Variants in SMARCB1 observed in about 807,000 individuals in gnomAD.
SMARCB1 encodes SWI/SNF related BAF chromatin remodeling complex subunit B1, also known as SWI/SNF-related matrix-associated actin-dependent regulator of chromatin subfamily B member 1.
Under a neutral mutation model 49.0 loss-of-function variants are expected in SMARCB1, and 5 were observed. The ratio of observed to expected loss-of-function variants is 0.10; its 90% CI spans 0.05 to 0.21. The LOEUF (loss-of-function observed/expected upper bound fraction) is 0.21. Among genes scored for constraint, SMARCB1 ranks in the 10% least tolerant of loss-of-function variants. The pLI is 1.00. For missense variants in SMARCB1, 226 were observed against 509.2 expected, an observed-to-expected ratio of 0.44 and a Z score of 5.35; for synonymous variants, 201 against 200.1, an observed-to-expected ratio of 1.00 and a Z score of -0.04.
chr22:23,818,137 G>GGGGGGT (rs1311439174), intron 6 of SMARCB1: 3 of 132,924 alleles, frequency 2.3e-5, no homozygotes, highest in Non-Finnish European at 3.2e-5. Flanking sequence ...AAATACTTTG[G>GGGGGGT]GTGTGTGTGT....
intron 3 of SMARCB1, among the ~76,000 whole-genome samples, chr22:23,799,307 T>C (rs1054253912): frequency 6.6e-5 from 10 of 151,198 alleles, no homozygotes; most frequent in African/African-American, 1.9e-4. Flanking sequence ...CGAGATAGGA[T>C]GTTGCTCTCT....
chr22:23,825,555 C>T (rs1429117626), intron 7 of SMARCB1, 140 bp downstream of exon 7: 1 of 721,474 alleles, frequency 1.4e-6, no homozygotes, highest in Non-Finnish European at 2.3e-6. Flanking sequence ...TGTGTTTGCT[C>T]CGTCCTCCTC....
intron 7 of SMARCB1, among the ~76,000 whole-genome samples, chr22:23,830,308 G>C (rs1001528110): frequency 6.6e-6 from 1 of 152,176 alleles, no homozygotes; most frequent in Non-Finnish European, 1.5e-5. Flanking sequence ...GGATCCTGCT[G>C]GCATTTGCTG....
chr22:23,806,285 G>A (rs889035532), intron 5 of SMARCB1, among the ~76,000 whole-genome samples: 1 of 152,194 alleles, frequency 6.6e-6, no homozygotes, highest in African/African-American at 2.4e-5. Context: ...GACCAGGATC[G>A]TCCATGAACT....
At chr22:23,832,686 A>G (rs546495841) in intron 7 of SMARCB1, among the ~76,000 whole-genome samples, 11 of 152,364 alleles carry the variant, frequency 7.2e-5, no homozygotes, top group African/African-American at 2.4e-4. Context: ...GGACCACTGC[A>G]TGTGGGAGGC....
At chr22:23,830,092 A>G (rs1052194973) in intron 7 of SMARCB1, among the ~76,000 whole-genome samples, 1 of 152,202 alleles carries the variant, frequency 6.6e-6, no homozygotes, top group Non-Finnish European at 1.5e-5. Context: ...TTTTTCAGCT[A>G]TTGTGAGTAC....
Position 23,835,215 on chromosome 22 carries a change from CT to C in SMARCB1, c.*1036del, listed in dbSNP as rs1310370722. The C allele has an allele frequency of 2.4e-6, 3 of 1,249,804 alleles. No homozygotes were observed. The African/African-American group carries it at 4.6e-5, about 19-fold the overall frequency. The allele number at this position is 1,249,804 out of a possible 1,614,324, so 77.4% of individuals were successfully genotyped here. The stretch of plus-strand genomic sequence containing the variant: ...CCTGCCTCCAAGGAGTTCATGTCCC[CT>C]CTGTTCTCATCTGTAATAGGGAGGT... On this transcript the variant is annotated 3_prime_UTR_variant, in exon 9 of 9. Coordinates refer to ENST00000644036, the MANE Select transcript of SMARCB1 (RefSeq NM_003073.5).
chr22:23,836,506 C>A lies in SMARCB1; in HGVS notation c.*2326C>A. The A allele has an allele frequency of 9.8e-7, 1 of 1,016,170 alleles. No homozygotes were observed. Among genetic ancestry groups the A allele is most frequent in the Non-Finnish European group, 1.2e-6 (1 of 851,008 alleles). The allele number at this position is 1,016,170 out of a possible 1,614,324, so 62.9% of individuals were successfully genotyped here. A position where few individuals can be genotyped will look rare whatever the true frequency, so the allele number is the denominator to read the frequency against. On this transcript the variant is annotated 3_prime_UTR_variant, in exon 9 of 9. Transcript: ENST00000644036. ...GGACTTGCCCAAGGCCCTGGTGGGG[C>A]CAGGATGAGAACCCTGAGCCTGTCA...
chr22:23,794,188 C>A (rs545465476), intron 3 of SMARCB1, among the ~76,000 whole-genome samples: 1 of 152,244 alleles, frequency 6.6e-6, no homozygotes, highest in East Asian at 1.9e-4. Flanking sequence ...GTGATCCGCC[C>A]GCCTTGGCAT....
Position 23,834,395 on chromosome 22 carries a change from CAG to C in SMARCB1, c.*216_*217del. The C allele has an allele frequency of 2.8e-6, 2 of 703,236 alleles. No individual in the cohort carries two copies. Among genetic ancestry groups the C allele is most frequent in the South Asian group, 1.5e-5 (1 of 66,706 alleles). 43.6% of individuals were successfully genotyped at this position (703,236 alleles called of 1,614,324 possible). Reference sequence around the variant, plus strand: ...CCACCCCACCCTCCCTACCCCTCCCCAGTCTCTGGGGTCAGGAAGAAACCTTA... The same window carrying C: ...CCACCCCACCCTCCCTACCCCTCCCCTCTCTGGGGTCAGGAAGAAACCTTA... On this transcript the variant is annotated 3_prime_UTR_variant, in exon 9 of 9. Coordinates refer to ENST00000644036, the MANE Select transcript of SMARCB1 (RefSeq NM_003073.5).
Position 23,787,150 on chromosome 22 carries a change from C to T in SMARCB1, c.-20C>T. On this transcript the variant is annotated 5_prime_UTR_variant, in exon 1 of 9. Transcript: ENST00000644036. ...TGATCCCTCGCAGCCCGGCTCCGGCCGCCCGCCTCTGCCGCCGCAATGATG... is the reference window on the plus strand; with the variant it reads ...TGATCCCTCGCAGCCCGGCTCCGGCTGCCCGCCTCTGCCGCCGCAATGATG... 1.9e-6 allele frequency: 3 copies of T among 1,567,358 alleles called. No individual in the cohort carries two copies. Among genetic ancestry groups the T allele is most frequent in the Non-Finnish European group, 2.6e-6 (3 of 1,140,752 alleles).
chr22:23,803,149 C>G, intron 4 of SMARCB1, 146 bp from the exon 5 acceptor site: 2 of 1,053,562 alleles, frequency 1.9e-6, no homozygotes, highest in Non-Finnish European at 2.9e-6. Context: ...CTGCTAGCCT[C>G]GTCTGCTGCC....
chr22:23,787,211 C>G lies in SMARCB1; in HGVS notation c.42C>G (p.Pro14=). The change falls in exon 1 of 9, where the codon CCC becomes CCG. Residue 14 remains proline, a synonymous_variant. Transcript: ENST00000644036. ...MALSKTFGQK[P]VKFQLEDDGE... is the part of the protein sequence containing the mutation. ...TGAGCAAGACCTTCGGGCAGAAGCC[C>G]GTGAAGTTCCAGCTGGAGGACGACG... 5 of 1,609,104 alleles carry G rather than the reference C, an allele frequency of 3.1e-6. No homozygotes were observed. The highest frequency in any genetic ancestry group is 2.2e-5 in the South Asian group (2 of 90,672).
chr22:23,825,748 C>T (rs1348524423), intron 7 of SMARCB1: 2 of 338,610 alleles, frequency 5.9e-6, no homozygotes, highest in Non-Finnish European at 1.1e-5. Flanking sequence ...TCTCTCTGCT[C>T]TTGCCCAGAC....
chr22:23,812,738 C>T (rs549960911), intron 5 of SMARCB1, among the ~76,000 whole-genome samples: 3 of 152,174 alleles, frequency 2.0e-5, no homozygotes, highest in South Asian at 4.1e-4. Context: ...AGGATCAGAT[C>T]AGTTGATACA....
intron 5 of SMARCB1, chr22:23,804,229 A>G (rs1400495875): frequency 1.3e-5 from 2 of 151,942 alleles, no homozygotes; most frequent in African/African-American, 4.8e-5. Context: ...TAAGAGACAG[A>G]GTCCCACTCT....
chr22:23,806,162 A>G (rs1366297962), intron 5 of SMARCB1, among the ~76,000 whole-genome samples: 3 of 152,182 alleles, frequency 2.0e-5, no homozygotes, highest in Non-Finnish European at 4.4e-5. Context: ...TTGCATACTC[A>G]GTGTGGTCAA....
intron 5 of SMARCB1, among the ~76,000 whole-genome samples, chr22:23,810,695 G>A (rs1011056134): frequency 1.3e-5 from 2 of 152,012 alleles, no homozygotes; most frequent in African/African-American, 4.8e-5. Context: ...AGCAAAAATT[G>A]TAACAGTATC....
At position 23,786,994 on chromosome 22, in the gene SMARCB1, GGTC is replaced by G. The variant is rs1488632729; in HGVS notation, c.-169_-167del. ...AGCGCCTGCGCACTGAGGGCGGCCT[GGTC>G]GTCGTCTGCGGCGGCGGCGGCGGCT... On this transcript the variant is annotated 5_prime_UTR_variant, in exon 1 of 9. Transcript: ENST00000644036. 1.0e-5 allele frequency: 5 copies of G among 502,374 alleles called. No individual in the cohort carries two copies. Among genetic ancestry groups the G allele is most frequent in the Non-Finnish European group, 1.7e-5 (5 of 286,538 alleles). 31.1% of individuals were successfully genotyped at this position (502,374 alleles called of 1,614,324 possible).
Sources: allele counts gnomAD v4.1 joint callset (sites outside exome capture counted in the v4.1 genomes callset), GRCh38; gene constraint gnomAD v4.1.1; transcripts MANE v1.5; gene names NCBI Gene and HGNC (gene_info 2026-07-23, HGNC 2026-07-21).